The following ACTN2 variants were observed in gnomAD, a reference collection of about 807,000 sequenced individuals.
The protein encoded by ACTN2 is actinin alpha 2.
A neutral mutation model predicts 113.8 loss-of-function variants in ACTN2; 39 were observed. The observed-to-expected ratio is 0.34, with a 90% CI of 0.27 to 0.45. ACTN2 has a LOEUF of 0.45. ACTN2 is among the 20% of genes least tolerant of loss of function. The probability of loss-of-function intolerance (pLI) is 1.00; values close to 1 mark genes in which losing one functional copy is unlikely to be tolerated. For synonymous variants in ACTN2, 429 were observed against 444.1 expected, an observed-to-expected ratio of 0.97 and a Z score of 0.43; for missense variants, 992 against 1,177.9, an observed-to-expected ratio of 0.84 and a Z score of 2.31.
intron 15 of ACTN2, among the ~76,000 whole-genome samples, chr1:236,752,349 G>A (rs763862502): frequency 6.6e-6 from 1 of 152,064 alleles, no homozygotes; most frequent in Non-Finnish European, 1.5e-5. Context: ...GTTATAAACA[G>A]CGCAAAAGAC....
At chr1:236,692,574 G>A (rs180847709) in intron 1 of ACTN2, among the ~76,000 whole-genome samples, 3 of 152,304 alleles carry the variant, frequency 2.0e-5, no homozygotes, top group East Asian at 3.9e-4. Context: ...GAGGTTAAAG[G>A]CAGGGTCTTG....
intron 15 of ACTN2, 92 bp from the exon 16 acceptor site, chr1:236,753,855 A>G: frequency 4.1e-6 from 2 of 492,256 alleles, no homozygotes; most frequent in South Asian, 4.1e-5. Flanking sequence ...CTCCACTCCC[A>G]CCCCCACCCC....
intron 20 of ACTN2, 37 bp downstream of exon 20, chr1:236,761,210 G>GT: frequency 6.2e-7 from 1 of 1,612,400 alleles, no homozygotes; most frequent in South Asian, 1.1e-5. Flanking sequence ...TTTAGCAGGA[G>GT]TCCACTACAT....
At chr1:236,734,378 A>G (rs1658803264) in intron 7 of ACTN2, 1 of 1,292,258 alleles carries the variant, frequency 7.7e-7, no homozygotes, top group Non-Finnish European at 1.1e-6. Flanking sequence ...AGTGCTTAGC[A>G]GAAGCCTGCT....
intron 1 of ACTN2, among the ~76,000 whole-genome samples, chr1:236,700,306 C>T (rs1262647251): frequency 6.6e-6 from 1 of 152,182 alleles, no homozygotes; most frequent in African/African-American, 2.4e-5. Context: ...CCTCAGCCTC[C>T]CGAGTAGCTG....
At chr1:236,762,201 C>T (rs992579096) in intron 20 of ACTN2, among the ~76,000 whole-genome samples, 1 of 152,042 alleles carries the variant, frequency 6.6e-6, no homozygotes, top group African/African-American at 2.4e-5. Context: ...CATTGTGGCT[C>T]AGTTTGAGAA....
intron 4 of ACTN2, among the ~76,000 whole-genome samples, chr1:236,721,552 CAT>C (rs766550057): frequency 1.2e-4 from 18 of 152,298 alleles, no homozygotes; most frequent in South Asian, 6.2e-4. Flanking sequence ...TGAATTAATA[CAT>C]AGTCTGACTT....
At chr1:236,734,657 T>C (rs1658813102) in intron 7 of ACTN2, 2 of 627,434 alleles carry the variant, frequency 3.2e-6, no homozygotes, top group South Asian at 4.1e-5. Flanking sequence ...TGTTTGTCTT[T>C]TTTAGTCTAG....
At chr1:236,693,165 A>C (rs1186616375) in intron 1 of ACTN2, among the ~76,000 whole-genome samples, 1 of 122,008 alleles carries the variant, frequency 8.2e-6, no homozygotes, top group Non-Finnish European at 1.7e-5. Flanking sequence ...TGGTACAAAC[A>C]TCTGCACACA....
intron 1 of ACTN2, among the ~76,000 whole-genome samples, chr1:236,703,078 A>G (rs992754025): frequency 2.0e-5 from 3 of 152,174 alleles, no homozygotes; most frequent in Admixed American, 2.0e-4. Flanking sequence ...GAAGAGAATG[A>G]GGAAAGTACA....
At chr1:236,688,058 T>G (rs573463241) in intron 1 of ACTN2, among the ~76,000 whole-genome samples, 1 of 152,332 alleles carries the variant, frequency 6.6e-6, no homozygotes, top group Non-Finnish European at 1.5e-5. Context: ...AGCCGTCTAC[T>G]ATTGTTTAAA....
intron 7 of ACTN2, among the ~76,000 whole-genome samples, chr1:236,735,336 C>T (rs866906782): frequency 6.6e-6 from 1 of 152,162 alleles, no homozygotes; most frequent in Non-Finnish European, 1.5e-5. Context: ...CTGCAACAGA[C>T]CAGGTTTCCA....
intron 12 of ACTN2, 55 bp downstream of exon 12, chr1:236,744,831 GGAGA>G: frequency 6.2e-7 from 1 of 1,611,992 alleles, no homozygotes; most frequent in Non-Finnish European, 8.5e-7. Flanking sequence ...CACAGAGAGG[GGAGA>G]GAAAGGCCTG....
rs779702876 is a variant in ACTN2 at position 236,747,735 on chromosome 1, G to A, written c.1475G>A (p.Arg492Gln). The A allele has an allele frequency of 3.7e-6, 6 of 1,614,060 alleles. No individual in the cohort carries two copies. The highest frequency in any genetic ancestry group is 4.5e-5 in the East Asian group (2 of 44,886). Reference sequence around the variant, plus strand: ...CAGAAAATTTGTGACCAGTGGGACCGACTGGGAACGCTTACTCAGAAGAGG... The same window carrying A: ...CAGAAAATTTGTGACCAGTGGGACCAACTGGGAACGCTTACTCAGAAGAGG... ...RCQKICDQWD[R>Q]LGTLTQKRRE... is the part of the protein sequence containing the mutation. The change falls in exon 13 of 21, where the codon CGA (arginine) becomes CAA (glutamine). Residue 492 changes from arginine (R) to glutamine (Q), a missense_variant. By Grantham distance (43) the Arg-to-Gln change is conservative. This residue lies in a region of ACTN2 where 736 missense variants were observed against 815.4 expected (regional missense o/e 0.90). Coordinates refer to ENST00000366578, the MANE Select transcript of ACTN2 (RefSeq NM_001103.4).
chr1:236,710,891 C>T (rs555823695), intron 1 of ACTN2, among the ~76,000 whole-genome samples: 4 of 152,218 alleles, frequency 2.6e-5, no homozygotes, highest in African/African-American at 9.6e-5. Flanking sequence ...CATCCCCCTT[C>T]CCTACCCCCC....
Position 236,727,771 on chromosome 1 carries a change from C to T in ACTN2, c.615+15C>T, listed in dbSNP as rs369293885. 1.7e-4 allele frequency: 275 copies of T among 1,613,764 alleles called. No homozygotes were observed. The highest frequency in any genetic ancestry group is 2.2e-4 in the Non-Finnish European group (261 of 1,179,710). On this transcript the variant is annotated intron_variant, in intron 6 of 20. Transcript: ENST00000366578. ...AGCTTAACAAGGTTATTCTGGGTGG[C>T]CTGGCATGCAGTGTCCCCAGCCACG...
At chr1:236,740,629 T>G (rs1478442841) in intron 10 of ACTN2, among the ~76,000 whole-genome samples, 1 of 150,794 alleles carries the variant, frequency 6.6e-6, no homozygotes, top group Non-Finnish European at 1.5e-5. Flanking sequence ...GCCTCCCGAG[T>G]TCAAGCAATT....
At chr1:236,745,888 G>T (rs1448899153) in intron 12 of ACTN2, among the ~76,000 whole-genome samples, 3 of 152,050 alleles carry the variant, frequency 2.0e-5, no homozygotes, top group African/African-American at 7.2e-5. Context: ...TTCTGGCTGG[G>T]CACAGTGGCT....
At chr1:236,762,111 T>G (rs1228366200) in intron 20 of ACTN2, among the ~76,000 whole-genome samples, 1 of 152,258 alleles carries the variant, frequency 6.6e-6, no homozygotes, top group Non-Finnish European at 1.5e-5. Context: ...TGGCTGGAAT[T>G]GTCCTATTTC....
Sources: gnomAD v4.1 joint callset for allele counts (sites outside exome capture counted in the v4.1 genomes callset) on GRCh38, gnomAD v4.1.1 for gene constraint, gnomAD v4.1.1 regional missense constraint, MANE v1.5 for transcripts, NCBI Gene and HGNC (gene_info 2026-07-23, HGNC 2026-07-21) for gene names.